The following SPMAP2 variants were observed in gnomAD, a reference collection of about 807,000 sequenced individuals.
The protein encoded by SPMAP2 is sperm microtubule associated protein 2, also known as Theg homolog.
chr19:375,775 G>T, the SPMAP2 span: 5 of 1,610,178 alleles, frequency 3.1e-6, no homozygotes, highest in South Asian at 3.3e-5. Flanking sequence ...ACCTCCTCGG[G>T]GGGAAGCTCC....
the SPMAP2 span, among the ~76,000 whole-genome samples, chr19:362,712 G>A: frequency 6.7e-6 from 1 of 148,352 alleles, no homozygotes; most frequent in African/African-American, 2.5e-5. Flanking sequence ...GTTGCAGTGA[G>A]CGCAGATCGC....
chr19:372,576 G>A, the SPMAP2 span: 45 of 1,562,774 alleles, frequency 2.9e-5, no homozygotes, highest in African/African-American at 5.7e-4. Context: ...GCGAGAATAA[G>A]GCATTTCTGC....
chr19:374,413 G>C, the SPMAP2 span: 1 of 1,614,076 alleles, frequency 6.2e-7, no homozygotes, highest in Non-Finnish European at 8.5e-7. Flanking sequence ...CTGGCTGATG[G>C]ACAGCCGGCT....
the SPMAP2 span, among the ~76,000 whole-genome samples, chr19:375,085 G>A: frequency 9.9e-5 from 15 of 152,204 alleles, no homozygotes; most frequent in Middle Eastern, 3.4e-3. Flanking sequence ...GCACGTGCAG[G>A]GACCACGCTG....
At chr19:364,387 C>T in the SPMAP2 span, among the ~76,000 whole-genome samples, 90,471 of 149,518 alleles carry the variant, frequency 0.61, 28,234 homozygotes, top group African/African-American at 0.77. Context: ...ATATTTTAAA[C>T]GGCCACTGGC....
the SPMAP2 span, among the ~76,000 whole-genome samples, chr19:366,419 T>G: frequency 6.6e-6 from 1 of 152,176 alleles, no homozygotes; most frequent in Non-Finnish European, 1.5e-5. Context: ...CACAAGTGTG[T>G]GCAGGACGGT....
chr19:366,973 C>T, the SPMAP2 span: 3,605 of 1,363,336 alleles, frequency 2.6e-3, 7 homozygotes, highest in Admixed American at 3.3e-3. Context: ...TGGGGGAGAG[C>T]TTCCCTCTGC....
At chr19:373,792 G>A in the SPMAP2 span, 1 of 800,328 alleles carries the variant, frequency 1.2e-6, no homozygotes, top group South Asian at 1.6e-5. Flanking sequence ...AGCAGACCCA[G>A]GTCACAAGGG....
the SPMAP2 span, chr19:375,930 C>G: frequency 6.8e-7 from 1 of 1,466,686 alleles, no homozygotes; most frequent in Non-Finnish European, 9.0e-7. Context: ...AGCCTCAGAG[C>G]TGGGCTGGTT....
At chr19:371,369 GGTGTGT>G in the SPMAP2 span, 65 of 850,578 alleles carry the variant, frequency 7.6e-5, no homozygotes, top group East Asian at 2.5e-4. Context: ...CGGGGGTGGG[GGTGTGT>G]GTGTGTGTGT....
the SPMAP2 span, among the ~76,000 whole-genome samples, chr19:366,208 C>T: frequency 1.6e-4 from 24 of 152,172 alleles, no homozygotes; most frequent in East Asian, 5.8e-4. Context: ...CTCTCACACA[C>T]GCATGCACAC....
At chr19:373,884 G>C in the SPMAP2 span, 1 of 1,546,868 alleles carries the variant, frequency 6.5e-7, no homozygotes, top group African/African-American at 1.4e-5. Flanking sequence ...GGGTCCCCTG[G>C]AACCTGACAC....
At chr19:371,503 T>C in the SPMAP2 span, among the ~76,000 whole-genome samples, 1 of 152,198 alleles carries the variant, frequency 6.6e-6, no homozygotes, top group East Asian at 1.9e-4. Context: ...GGGAGAGTGG[T>C]GAGTTTTGAA....
chr19:365,020 C>A, the SPMAP2 span, among the ~76,000 whole-genome samples: 1 of 152,224 alleles, frequency 6.6e-6, no homozygotes, highest in Admixed American at 6.5e-5. Flanking sequence ...TGAAGAGGCT[C>A]CTGGGGAAAA....
At chr19:366,917 C>G in the SPMAP2 span, 3 of 936,746 alleles carry the variant, frequency 3.2e-6, no homozygotes, top group Non-Finnish European at 4.8e-6. Context: ...AGACAACACC[C>G]TCTGCTTCCG....
At chr19:371,226 G>A in the SPMAP2 span, 1 of 1,491,164 alleles carries the variant, frequency 6.7e-7, no homozygotes, top group Non-Finnish European at 9.0e-7. Context: ...GCATGCTCCA[G>A]AAGTTATCAC....
At chr19:372,630 C>T in the SPMAP2 span, 1 of 1,613,994 alleles carries the variant, frequency 6.2e-7, no homozygotes, top group South Asian at 1.1e-5. Context: ...CCTTCCCCCA[C>T]CTGTTGTTGT....
At chr19:367,773 C>T in the SPMAP2 span, among the ~76,000 whole-genome samples, 2 of 152,182 alleles carry the variant, frequency 1.3e-5, no homozygotes, top group African/African-American at 4.8e-5. Flanking sequence ...TTACCACACA[C>T]ACACCCCGGA....
At chr19:374,288 C>A in the SPMAP2 span, 1 of 1,613,758 alleles carries the variant, frequency 6.2e-7, no homozygotes, top group Non-Finnish European at 8.5e-7. Flanking sequence ...CGTGGTCTGG[C>A]GTGTCCTCAC....
Sources: allele counts gnomAD v4.1 joint callset (sites outside exome capture counted in the v4.1 genomes callset), GRCh38; gene constraint gnomAD v4.1.1; transcripts MANE v1.5; gene names NCBI Gene and HGNC (gene_info 2026-07-23, HGNC 2026-07-21).